Variants in MAP3K7 observed in about 807,000 individuals in gnomAD.
MAP3K7 encodes mitogen-activated protein kinase kinase kinase 7.
In MAP3K7, 21 loss-of-function variants were observed where a neutral mutation model predicts 84.8. The ratio of observed to expected loss-of-function variants is 0.25; its 90% CI spans 0.18 to 0.36. The LOEUF is 0.36. Among genes scored for constraint, MAP3K7 ranks in the 10% least tolerant of loss-of-function variants. The pLI is 1.00. For synonymous variants in MAP3K7, 241 were observed against 247.7 expected (o/e 0.97, Z 0.25); for missense variants, 503 against 747.7 (o/e 0.67, Z 3.82).
chr6:90,524,636 C>A (rs1775261070), intron 13 of MAP3K7, among the ~76,000 whole-genome samples: 1 of 152,066 alleles, frequency 6.6e-6, no homozygotes. Context: ...TACATTCTTA[C>A]CACATAAGTT....
intron 14 of MAP3K7, among the ~76,000 whole-genome samples, chr6:90,521,633 C>A (rs3799917): frequency 0.27 from 40,542 of 151,920 alleles, 5,954 homozygotes; most frequent in South Asian, 0.42. Context: ...TCTAACCAGA[C>A]TGCAAGGAAT....
At chr6:90,519,410 T>A (rs1444843079) in intron 14 of MAP3K7, 91 bp from the exon 15 acceptor site, 12 of 755,994 alleles carry the variant, frequency 1.6e-5, no homozygotes, top group Non-Finnish European at 2.6e-5. Context: ...TTTTTTTCCC[T>A]AAAGTAAATA....
intron 13 of MAP3K7, among the ~76,000 whole-genome samples, chr6:90,526,412 T>A (rs1775324017): frequency 6.6e-6 from 1 of 152,178 alleles, no homozygotes; most frequent in Non-Finnish European, 1.5e-5. Flanking sequence ...TATACTGATT[T>A]CAAAACCTTT....
At chr6:90,561,155 C>G (rs1776500083) in intron 4 of MAP3K7, among the ~76,000 whole-genome samples, 1 of 151,846 alleles carries the variant, frequency 6.6e-6, no homozygotes, top group Non-Finnish European at 1.5e-5. Flanking sequence ...TAAAAGAACT[C>G]TGTTCTCCAA....
chr6:90,516,743 G>T, intron 16 of MAP3K7, 62 bp from the exon 17 acceptor site: 1 of 1,304,648 alleles, frequency 7.7e-7, no homozygotes, highest in Non-Finnish European at 1.1e-6. Flanking sequence ...AGTAGCTGAT[G>T]ATGGAAGCTC....
At chr6:90,567,911 T>C (rs1178464370) in intron 3 of MAP3K7, among the ~76,000 whole-genome samples, 3 of 152,178 alleles carry the variant, frequency 2.0e-5, no homozygotes, top group Non-Finnish European at 2.9e-5. Flanking sequence ...ATGTCCTTTG[T>C]AGGGACATGG....
chr6:90,584,717 T>C (rs1172244801), intron 1 of MAP3K7, among the ~76,000 whole-genome samples: 2 of 152,180 alleles, frequency 1.3e-5, no homozygotes, highest in African/African-American at 4.8e-5. Context: ...TGAAGTAAGT[T>C]TGTGAAAGCA....
Position 90,550,569 on chromosome 6 carries a change from C to G in MAP3K7, c.868-20G>C, listed in dbSNP as rs183063454. 756 of 1,474,348 alleles carry G rather than the reference C, an allele frequency of 5.1e-4. 8 individuals carry two copies. Among genetic ancestry groups the G allele is most frequent in the Non-Finnish European group, 5.8e-5 (62 of 1,062,934 alleles). The allele number at this position is 1,474,348 out of a possible 1,614,324, so 91.3% of individuals were successfully genotyped here. A position where few individuals can be genotyped will look rare whatever the true frequency, so the allele number is the denominator to read the frequency against. On this transcript the variant is annotated intron_variant, in intron 8 of 16. Transcript: ENST00000369329. Reference sequence around the variant, plus strand: ...AAAGTACTATATATAAAAAAGTAAACCACAGCTTAAAATTTCCTTAATACA... The same window carrying G: ...AAAGTACTATATATAAAAAAGTAAAGCACAGCTTAAAATTTCCTTAATACA...
intron 14 of MAP3K7, among the ~76,000 whole-genome samples, chr6:90,519,535 C>A (rs1372977950): frequency 3.3e-5 from 5 of 151,834 alleles, no homozygotes; most frequent in African/African-American, 1.2e-4. Flanking sequence ...TATTCTCATA[C>A]CTATAATTTA....
In MAP3K7 at chr6:90,550,557, T is replaced by C. The variant is rs757263588; in HGVS notation, c.868-8A>G. Reference sequence around the variant, plus strand: ...ATCTGCTCCTGGAAAGTACTATATATAAAAAAGTAAACCACAGCTTAAAAT... The same window carrying C: ...ATCTGCTCCTGGAAAGTACTATATACAAAAAAGTAAACCACAGCTTAAAAT... On this transcript the variant is annotated splice_region_variant and splice_polypyrimidine_tract_variant and intron_variant, in intron 8 of 16. Transcript: ENST00000369329. The C allele has an allele frequency of 1.3e-6, 2 of 1,554,900 alleles. No individual in the cohort carries two copies. The highest frequency in any genetic ancestry group is 2.2e-5 in the East Asian group (1 of 44,480).
rs1324228988 is a variant in MAP3K7 at position 90,581,634 on chromosome 6, C to A, written c.120+5130G>T. Reference sequence around the variant, plus strand: ...AGGCTTTTATTTCAAATAATATGCTCATGCTATCTTTTAAGCTACACGTGT... The same window carrying A: ...AGGCTTTTATTTCAAATAATATGCTAATGCTATCTTTTAAGCTACACGTGT... On this transcript the variant is annotated intron_variant, in intron 1 of 16. Transcript: ENST00000369329. 2.0e-5 allele frequency among the ~76,000 whole-genome samples: 3 copies of A among 152,308 alleles called. No homozygotes were observed. In the East Asian group the frequency reaches 5.8e-4, roughly 29 times the overall value.
chr6:90,567,352 T>TA (rs1403317007), intron 3 of MAP3K7, among the ~76,000 whole-genome samples: 3 of 151,980 alleles, frequency 2.0e-5, no homozygotes, highest in Non-Finnish European at 2.9e-5. Context: ...ACAAAGAACT[T>TA]AAACAAATTT....
rs556979345 is a variant in MAP3K7, at chr6:90,515,301, A to G, written c.*1200T>C. 4 of 152,106 alleles carry G rather than the reference A, an allele frequency of 2.6e-5. No homozygotes were observed. The highest frequency in any genetic ancestry group is 9.6e-5 in the African/African-American group (4 of 41,544). 9.4% of individuals were successfully genotyped at this position (152,106 alleles called of 1,614,324 possible). ...AAAAAATATAGAGTTTGTATAGTCT[A>G]TTATTTCAGTGTCATTTTATTATTA... On this transcript the variant is annotated 3_prime_UTR_variant, in exon 17 of 17. Coordinates refer to ENST00000369329, the MANE Select transcript of MAP3K7 (RefSeq NM_145331.3).
At chr6:90,555,200 A>G (rs1237272512) in intron 6 of MAP3K7, among the ~76,000 whole-genome samples, 1 of 152,206 alleles carries the variant, frequency 6.6e-6, no homozygotes, top group Admixed American at 6.5e-5. Flanking sequence ...GAAGGTAAAC[A>G]TATAAGCTTG....
Position 90,586,912 on chromosome 6 carries a change from G to C in MAP3K7, c.-29C>G, listed in dbSNP as rs775550129. Reference sequence around the variant, plus strand: ...CCCTCGCGGCGCCCGGTGGGGCCGGGAACGGTGCCACCCGGACAATCCGGG... The same window carrying C: ...CCCTCGCGGCGCCCGGTGGGGCCGGCAACGGTGCCACCCGGACAATCCGGG... On this transcript the variant is annotated 5_prime_UTR_variant, in exon 1 of 17. Coordinates refer to ENST00000369329, the MANE Select transcript of MAP3K7 (RefSeq NM_145331.3). 2.5e-6 allele frequency: 4 copies of C among 1,594,488 alleles called. No individual in the cohort carries two copies. The highest frequency in any genetic ancestry group is 3.4e-6 in the Non-Finnish European group (4 of 1,173,794).
rs1286987304 is a variant in MAP3K7 at position 90,534,546 on chromosome 6, G to A, written c.1356+1791C>T. On this transcript the variant is annotated intron_variant, in intron 13 of 16. Transcript: ENST00000369329. Reference sequence around the variant, plus strand: ...CCCCAAATCTTTCAGAGTGGTCTATGACAATTCCACAAATGACTGTCCCAC... The same window carrying A: ...CCCCAAATCTTTCAGAGTGGTCTATAACAATTCCACAAATGACTGTCCCAC... Among the ~76,000 whole-genome samples, 3 of 152,100 alleles carry A rather than the reference G, an allele frequency of 2.0e-5. No individual in the cohort carries two copies. In the East Asian group the frequency reaches 5.8e-4, roughly 29 times the overall value.
intron 3 of MAP3K7, among the ~76,000 whole-genome samples, chr6:90,566,093 C>T (rs1776693571): frequency 6.6e-6 from 1 of 152,082 alleles, no homozygotes; most frequent in East Asian, 1.9e-4. Context: ...TATGACAAAC[C>T]CACAGCCAAT....
chr6:90,522,685 C>T (rs1443733496), intron 14 of MAP3K7, among the ~76,000 whole-genome samples: 1 of 152,088 alleles, frequency 6.6e-6, no homozygotes, highest in Non-Finnish European at 1.5e-5. Flanking sequence ...CCTGGCTAAA[C>T]ATAGTTCTAT....
intron 13 of MAP3K7, among the ~76,000 whole-genome samples, chr6:90,527,453 A>C (rs1422108422): frequency 1.5e-5 from 2 of 133,816 alleles, no homozygotes; most frequent in African/African-American, 5.6e-5. Context: ...TTGTGTAGAG[A>C]CGGGGTCTCG....
Sources: allele counts gnomAD v4.1 joint callset (sites outside exome capture counted in the v4.1 genomes callset), GRCh38; gene constraint gnomAD v4.1.1; transcripts MANE v1.5; gene names NCBI Gene and HGNC (gene_info 2026-07-23, HGNC 2026-07-21).